AGBL4: variants seen among roughly 807,000 people sequenced by gnomAD.
The protein encoded by AGBL4 is cytosolic carboxypeptidase 6.
A neutral mutation model predicts 66.4 loss-of-function variants in AGBL4; 58 were observed. The observed-to-expected ratio is 0.87, with a 90% CI of 0.71 to 1.09. The LOEUF (loss-of-function observed/expected upper bound fraction) is 1.09. Among genes scored for constraint, AGBL4 ranks in the 50% least tolerant of loss-of-function variants. AGBL4 has a pLI of 0.00. For missense variants in AGBL4, 579 were observed against 631.0 expected (o/e 0.92, Z 0.88); for synonymous variants, 234 against 222.9 (o/e 1.05, Z -0.44).
intron 6 of AGBL4, among the ~76,000 whole-genome samples, chr1:48,714,960 G>C (rs901142771): frequency 6.6e-6 from 1 of 152,190 alleles, no homozygotes; most frequent in African/African-American, 2.4e-5. Flanking sequence ...TTTAGCTGAA[G>C]ATGGAATGAG....
chr1:49,791,344 T>G (rs540959021), intron 2 of AGBL4, among the ~76,000 whole-genome samples: 3 of 152,112 alleles, frequency 2.0e-5, no homozygotes, highest in Non-Finnish European at 4.4e-5. Context: ...GTTATATACA[T>G]ATATATGTTA....
At chr1:48,771,782 G>A (rs2148695161) in intron 6 of AGBL4, among the ~76,000 whole-genome samples, 1 of 152,238 alleles carries the variant, frequency 6.6e-6, no homozygotes, top group African/African-American at 2.4e-5. Context: ...GATCTATTTG[G>A]ACTAACAATG....
At chr1:49,497,922 A>C (rs1647758926) in intron 3 of AGBL4, among the ~76,000 whole-genome samples, 1 of 152,008 alleles carries the variant, frequency 6.6e-6, no homozygotes, top group Non-Finnish European at 1.5e-5. Flanking sequence ...ATGTCATTAG[A>C]ATTTTTATAT....
intron 2 of AGBL4, among the ~76,000 whole-genome samples, chr1:49,830,934 T>G (rs1645654940): frequency 6.6e-6 from 1 of 152,190 alleles, no homozygotes; most frequent in Non-Finnish European, 1.5e-5. Flanking sequence ...GTGGTGTTAT[T>G]TCTGAGGCCT....
At chr1:49,416,732 G>T (rs1345258865) in intron 3 of AGBL4, among the ~76,000 whole-genome samples, 1 of 151,998 alleles carries the variant, frequency 6.6e-6, no homozygotes, top group Admixed American at 6.6e-5. Context: ...GATTAAATCA[G>T]TCAATATATA....
chr1:48,527,360 C>A, the AGBL4 span, among the ~76,000 whole-genome samples: 2 of 152,002 alleles, frequency 1.3e-5, no homozygotes, highest in East Asian at 1.9e-4. Context: ...CTTTGGGAAG[C>A]CCGGGGTGGG....
At chr1:48,973,111 G>A (rs370306306) in intron 5 of AGBL4, among the ~76,000 whole-genome samples, 1 of 152,100 alleles carries the variant, frequency 6.6e-6, no homozygotes. Flanking sequence ...TGCTAGGGAT[G>A]CCCTCAAGCA....
At chr1:49,532,922 G>A (rs1464484757) in intron 3 of AGBL4, among the ~76,000 whole-genome samples, 1 of 152,096 alleles carries the variant, frequency 6.6e-6, no homozygotes, top group African/African-American at 2.4e-5. Context: ...CAGTTTTTCT[G>A]CCCTCCTGAC....
At chr1:49,954,596 C>A (rs770886205) in intron 1 of AGBL4, among the ~76,000 whole-genome samples, 31 of 151,984 alleles carry the variant, frequency 2.0e-4, no homozygotes, top group Non-Finnish European at 4.0e-4. Context: ...AAATTACCAG[C>A]CTCAAGTATT....
chr1:49,239,456 G>C (rs188307331), intron 4 of AGBL4, among the ~76,000 whole-genome samples: 1 of 151,936 alleles, frequency 6.6e-6, no homozygotes, highest in Non-Finnish European at 1.5e-5. Context: ...CCCAGCAATA[G>C]GAATATGATA....
At chr1:49,705,894 C>A (rs1461980677) in intron 2 of AGBL4, among the ~76,000 whole-genome samples, 5 of 152,124 alleles carry the variant, frequency 3.3e-5, no homozygotes, top group African/African-American at 1.2e-4. Flanking sequence ...GGGATGAAGC[C>A]AACTTGATCG....
intron 1 of AGBL4, among the ~76,000 whole-genome samples, chr1:49,965,924 T>A (rs1657517217): frequency 2.0e-5 from 3 of 151,932 alleles, no homozygotes; most frequent in African/African-American, 7.3e-5. Context: ...AGAGCCCCAT[T>A]AGTCTATTAC....
At chr1:48,983,663 C>A (rs756378952) in intron 5 of AGBL4, among the ~76,000 whole-genome samples, 11 of 152,158 alleles carry the variant, frequency 7.2e-5, no homozygotes, top group African/African-American at 2.4e-4. Context: ...ATCGAGGAAG[C>A]AAACCTATTA....
intron 6 of AGBL4, among the ~76,000 whole-genome samples, chr1:48,774,670 G>A (rs903156265): frequency 2.0e-5 from 3 of 152,168 alleles, no homozygotes; most frequent in African/African-American, 4.8e-5. Flanking sequence ...CAAAATTCAT[G>A]GTTCTCAAAC....
At chr1:49,381,013 A>G (rs1171223018) in intron 3 of AGBL4, among the ~76,000 whole-genome samples, 1 of 152,232 alleles carries the variant, frequency 6.6e-6, no homozygotes, top group African/African-American at 2.4e-5. Flanking sequence ...ATTAAACTCA[A>G]GAGCTTTTGT....
At chr1:49,474,710 GT>G (rs1430526095) in intron 3 of AGBL4, among the ~76,000 whole-genome samples, 4 of 151,954 alleles carry the variant, frequency 2.6e-5, no homozygotes, top group African/African-American at 9.7e-5. Context: ...AATCTTCAGG[GT>G]TTTATAGGTA....
At chr1:48,552,088 G>C (rs143134290) in intron 11 of AGBL4, among the ~76,000 whole-genome samples, 1 of 152,198 alleles carries the variant, frequency 6.6e-6, no homozygotes, top group African/African-American at 2.4e-5. Flanking sequence ...TTTTGAGATG[G>C]AGTCTTGCTC....
At chr1:49,697,179 C>A in intron 3 of AGBL4, 134 bp downstream of exon 3, 1 of 1,073,470 alleles carries the variant, frequency 9.3e-7, no homozygotes, top group Non-Finnish European at 1.3e-6. Context: ...ATCTCTTGAA[C>A]CAAAACTGTA....
At chr1:48,874,789 A>G (rs953757042) in intron 5 of AGBL4, among the ~76,000 whole-genome samples, 7 of 152,000 alleles carry the variant, frequency 4.6e-5, no homozygotes, top group African/African-American at 1.7e-4. Context: ...GAGAGCAGAG[A>G]TCATCGAAAT....
Sources: gnomAD v4.1 joint callset for allele counts (sites outside exome capture counted in the v4.1 genomes callset) on GRCh38, gnomAD v4.1.1 for gene constraint, MANE v1.5 for transcripts, NCBI Gene and HGNC (gene_info 2026-07-23, HGNC 2026-07-21) for gene names.